Variants in MBOAT7 observed in about 807,000 individuals in gnomAD.
MBOAT7 encodes membrane bound acylglycerophosphatidylinositol O-acyltransferase MBOAT7.
In MBOAT7, 40 loss-of-function variants were observed where a neutral mutation model predicts 47.4. That is an observed-to-expected ratio of 0.84 (90% confidence interval 0.66 to 1.10). The LOEUF is 1.10. Among genes scored for constraint, MBOAT7 ranks in the 50% least tolerant of loss-of-function variants. MBOAT7 has a pLI of 0.00. For missense variants in MBOAT7, 680 were observed against 655.6 expected, an observed-to-expected ratio of 1.04 and a Z score of -0.41; for synonymous variants, 361 against 292.0, an observed-to-expected ratio of 1.24 and a Z score of -2.41.
chr19:54,183,694 G>T lies in MBOAT7; in HGVS notation c.334-14C>A. On this transcript the variant is annotated splice_polypyrimidine_tract_variant and intron_variant, in intron 4 of 7. Coordinates refer to ENST00000245615, the MANE Select transcript of MBOAT7 (RefSeq NM_024298.5). ...CAGGCTCACCAGCTGGGCAGAAGGG[G>T]GTGGGCAAGGGGCCAGGTCAGACTC... 2.6e-6 allele frequency: 4 copies of T among 1,532,144 alleles called. No homozygotes were observed. Among genetic ancestry groups the T allele is most frequent in the Non-Finnish European group, 3.5e-6 (4 of 1,140,752 alleles). The allele number at this position is 1,532,144 out of a possible 1,614,324, so 94.9% of individuals were successfully genotyped here.
At position 54,180,530 on chromosome 19, in the gene MBOAT7, A is replaced by G. The variant is rs1464792880; in HGVS notation, c.854+243T>C. 27 of 475,500 alleles carry G rather than the reference A, an allele frequency of 5.7e-5. No individual in the cohort carries two copies. The Admixed American group carries it at 1.1e-3, about 19-fold the overall frequency. The allele number at this position is 475,500 out of a possible 1,614,324, so 29.5% of individuals were successfully genotyped here. On this transcript the variant is annotated intron_variant, in intron 6 of 7. Transcript: ENST00000245615. This position sits in a 1 kb window ranked among gnomAD's most constrained non-coding sequence, Gnocchi z 5.2. ...TAAGTTACCACCTTTTCCTAGCGACAGGGGGCAGTTCACCACACTGCGGGG... is the reference window on the plus strand; with the variant it reads ...TAAGTTACCACCTTTTCCTAGCGACGGGGGGCAGTTCACCACACTGCGGGG...
Position 54,183,615 on chromosome 19 carries a change from GC to G in MBOAT7, c.398del (p.Gly133AlafsTer17). The G allele has an allele frequency of 6.2e-7, 1 of 1,606,704 alleles. No individual in the cohort carries two copies. The highest frequency in any genetic ancestry group is 1.7e-5 in the Admixed American group (1 of 58,744). On this transcript the variant is annotated frameshift_variant, in exon 5 of 8. Transcript: ENST00000245615. LOFTEE classifies it high-confidence loss of function. ...HLAQRKEMAS[G>X]FSKGPTLGLL... ...GCCCCAGGGTGGGCCCCTTGCTGAA[GC>G]CTGAGGCCATTTCCTTCCTCTGGGC...
At position 54,188,513 on chromosome 19, in the gene MBOAT7, TGG is replaced by T; in HGVS notation, c.-3-4_-3-3del. On this transcript the variant is annotated splice_region_variant and splice_polypyrimidine_tract_variant and intron_variant, in intron 1 of 7. Coordinates refer to ENST00000245615, the MANE Select transcript of MBOAT7 (RefSeq NM_024298.5). ...CGTCCATTCTTCAGGCGACATGGTC[TGG>T]GGGAGGGGCAGAGATTCACAGTGAG... 1 of 1,552,130 alleles carries T rather than the reference TGG, an allele frequency of 6.4e-7. No homozygotes were observed. Among genetic ancestry groups the T allele is most frequent in the Non-Finnish European group, 8.7e-7 (1 of 1,147,162 alleles).
rs567702216 is a variant in MBOAT7 at position 54,181,260 on chromosome 19, C to T, written c.494-127G>A. ...AGTGAGAGGGGCAGAGACTGGGCGC[C>T]GGGGAGACCCCAAGGGTAGGGACTG... is the stretch of plus-strand genomic sequence containing the variant. On this transcript the variant is annotated intron_variant, in intron 5 of 7. Coordinates refer to ENST00000245615, the MANE Select transcript of MBOAT7 (RefSeq NM_024298.5). 1,082 of 1,167,800 alleles carry T rather than the reference C, an allele frequency of 9.3e-4. 12 individuals carry two copies. The South Asian group carries it at 0.017, about 18-fold the overall frequency. The allele number at this position is 1,167,800 out of a possible 1,614,324, so 72.3% of individuals were successfully genotyped here. A position where few individuals can be genotyped will look rare whatever the true frequency, so the allele number is the denominator to read the frequency against.
intron 5 of MBOAT7, 25 bp from the exon 6 acceptor site, chr19:54,181,158 CG>C (rs1331605287): frequency 2.1e-6 from 3 of 1,450,008 alleles, no homozygotes; most frequent in Non-Finnish European, 2.7e-6. Context: ...GGGAGGGCCG[CG>C]GTCAGACAGG....
At chr19:54,183,454 C>G in intron 5 of MBOAT7, 67 bp downstream of exon 5, 1 of 1,558,648 alleles carries the variant, frequency 6.4e-7, no homozygotes, top group Non-Finnish European at 8.7e-7. Flanking sequence ...GAACACAGAA[C>G]AGGCACTCAG....
chr19:54,188,802 C>G (rs1211997255), intron 1 of MBOAT7, among the ~76,000 whole-genome samples: 2 of 152,156 alleles, frequency 1.3e-5, no homozygotes, highest in African/African-American at 2.4e-5. Flanking sequence ...CCAAGCCCCT[C>G]CTTTGCGAAC....
chr19:54,174,367 A>G lies in MBOAT7; in HGVS notation c.1096T>C (p.Phe366Leu). Residue 366 changes from phenylalanine to leucine, a missense_variant, in exon 8 of 8, where the codon TTC (phenylalanine) becomes CTC (leucine). Coordinates refer to ENST00000245615, the MANE Select transcript of MBOAT7 (RefSeq NM_024298.5). ...HGLHPGYYLS[F>L]LTIPLCLAAE... Reference sequence around the variant, plus strand: ...GCCAGGCACAGCGGGATGGTCAGGAAGCTCAGGTAGTAGCCCGGGTGGAGG... The same window carrying G: ...GCCAGGCACAGCGGGATGGTCAGGAGGCTCAGGTAGTAGCCCGGGTGGAGG... 1 of 1,611,292 alleles carries G rather than the reference A, an allele frequency of 6.2e-7. No individual in the cohort carries two copies. Among genetic ancestry groups the G allele is most frequent in the Non-Finnish European group, 8.5e-7 (1 of 1,178,596 alleles).
rs577993310 is a variant in MBOAT7 at position 54,184,625 on chromosome 19, G to A, written c.334-945C>T. Among the ~76,000 whole-genome samples, 19 of 152,122 alleles carry A rather than the reference G, an allele frequency of 1.2e-4. No homozygotes were observed. In the East Asian group the frequency reaches 1.9e-3, roughly 15 times the overall value. ...CCCTTTAAAAAAAATAATTTTGGCC[G>A]GGCGCGGTGGCTCACGCCTGTAATC... is the stretch of plus-strand genomic sequence containing the variant. On this transcript the variant is annotated intron_variant, in intron 4 of 7. Transcript: ENST00000245615.
In MBOAT7 at chr19:54,174,009, C is replaced by A; in HGVS notation, c.*35G>T. On this transcript the variant is annotated 3_prime_UTR_variant, in exon 8 of 8. Transcript: ENST00000245615. ...GACAGCAGCCTGGTTCACAGAATTC[C>A]CGGGACCAGCTGGCAGAGGGAGCGT... The A allele has an allele frequency of 6.5e-7, 1 of 1,536,834 alleles. No homozygotes were observed. Among genetic ancestry groups the A allele is most frequent in the Non-Finnish European group, 8.7e-7 (1 of 1,146,364 alleles).
Position 54,175,548 on chromosome 19 carries a change from G to A in MBOAT7, c.1032-1117C>T, listed in dbSNP as rs571041788. Reference sequence around the variant, plus strand: ...GGAGATATGTTCCTCTTCCTCCAAGGCCCAGCACCATCTTTCCTCACTCTT... The same window carrying A: ...GGAGATATGTTCCTCTTCCTCCAAGACCCAGCACCATCTTTCCTCACTCTT... On this transcript the variant is annotated intron_variant, in intron 7 of 7. Coordinates refer to ENST00000245615, the MANE Select transcript of MBOAT7 (RefSeq NM_024298.5). Among the ~76,000 whole-genome samples the A allele has an allele frequency of 3.9e-5, 6 of 152,152 alleles. No homozygotes were observed. The South Asian group carries it at 6.2e-4, about 16-fold the overall frequency.
intron 7 of MBOAT7, among the ~76,000 whole-genome samples, chr19:54,175,032 G>A (rs935540633): frequency 1.4e-5 from 2 of 143,386 alleles, no homozygotes; most frequent in African/African-American, 2.6e-5. Context: ...CTAGAGTGCA[G>A]TGGCGCGATC....
intron 7 of MBOAT7, among the ~76,000 whole-genome samples, chr19:54,177,003 C>G (rs184143978): frequency 6.6e-6 from 1 of 152,056 alleles, no homozygotes. Context: ...ACGCGGATCA[C>G]TTGAGGCCAA....
chr19:54,179,183 C>T (rs1442785740), intron 6 of MBOAT7: 4 of 582,020 alleles, frequency 6.9e-6, no homozygotes, highest in South Asian at 2.2e-5. Flanking sequence ...CTTTTGGTAC[C>T]TAATGGGGCC....
chr19:54,183,384 G>T, intron 5 of MBOAT7, 137 bp downstream of exon 5: 1 of 1,035,472 alleles, frequency 9.7e-7, no homozygotes, highest in Non-Finnish European at 1.4e-6. Flanking sequence ...CGTAGACCCA[G>T]ACACATGCCC....
Position 54,180,936 on chromosome 19 carries a change from G to T in MBOAT7, c.691C>A (p.Leu231Ile). ...AAGAAGACGGGGATCATGTAGAAGA[G>T]GCGGGCGGGCAGCGGGCGGGCGTAG... ...AFYARPLPAR[L>I]FYMIPVFFAF... The change falls in exon 6 of 8, where the codon CTC (leucine) becomes ATC (isoleucine). Residue 231 changes from leucine to isoleucine, a missense_variant. Transcript: ENST00000245615. This position sits in a 1 kb window ranked among gnomAD's most constrained non-coding sequence, Gnocchi z 5.2. 1 of 1,591,386 alleles carries T rather than the reference G, an allele frequency of 6.3e-7. No homozygotes were observed.
chr19:54,188,619 G>T, intron 1 of MBOAT7, 108 bp from the exon 2 acceptor site: 1 of 1,036,914 alleles, frequency 9.6e-7, no homozygotes, highest in Non-Finnish European at 1.4e-6. Context: ...AGTTTTTGAG[G>T]ATGATGGAGT....
intron 6 of MBOAT7, chr19:54,179,401 C>T (rs1385368221): frequency 5.7e-6 from 1 of 174,808 alleles, no homozygotes; most frequent in African/African-American, 2.4e-5. Flanking sequence ...CAGTGGGGTC[C>T]CCATGATCTT....
At position 54,173,659 on chromosome 19, in the gene MBOAT7, G is replaced by A; in HGVS notation, c.*385C>T. ...AAAGTGGAGCGAAAGACACAAGGAA[G>A]AGGCTTCCCACTCCCAGGACCTGCC... is the stretch of plus-strand genomic sequence containing the variant. On this transcript the variant is annotated 3_prime_UTR_variant, in exon 8 of 8. Coordinates refer to ENST00000245615, the MANE Select transcript of MBOAT7 (RefSeq NM_024298.5). 4.2e-6 allele frequency: 1 copy of A among 240,956 alleles called. No individual in the cohort carries two copies. The highest frequency in any genetic ancestry group is 8.0e-6 in the Non-Finnish European group (1 of 125,214). 14.9% of individuals were successfully genotyped at this position (240,956 alleles called of 1,614,324 possible).
Sources: allele counts gnomAD v4.1 joint callset (sites outside exome capture counted in the v4.1 genomes callset), GRCh38; gene constraint gnomAD v4.1.1; non-coding constraint Gnocchi (gnomAD v3.1); transcripts MANE v1.5; gene names NCBI Gene and HGNC (gene_info 2026-07-23, HGNC 2026-07-21).